Variants in SPOCK3 observed in about 807,000 individuals in gnomAD.
The protein encoded by SPOCK3 is SPARC (osteonectin), cwcv and kazal like domains proteoglycan 3, also known as testican-3.
A neutral mutation model predicts 56.6 loss-of-function variants in SPOCK3; 30 were observed. The ratio of observed to expected loss-of-function variants is 0.53; its 90% CI spans 0.40 to 0.72. The LOEUF (loss-of-function observed/expected upper bound fraction) is 0.72, where lower values mean the gene tolerates loss of function less well. Among genes scored for constraint, SPOCK3 ranks in the 30% least tolerant of loss-of-function variants. The pLI is 0.00. For missense variants in SPOCK3, 527 were observed against 530.0 expected (o/e 0.99, Z 0.06); for synonymous variants, 196 against 183.3 (o/e 1.07, Z -0.56).
intron 2 of SPOCK3, among the ~76,000 whole-genome samples, chr4:167,108,323 G>A (rs968732386): frequency 6.6e-6 from 1 of 151,846 alleles, no homozygotes; most frequent in African/African-American, 2.4e-5. Context: ...CAAAAGAAAG[G>A]AAATCAGTAT....
At chr4:167,232,321 C>G (rs1365454001) in intron 2 of SPOCK3, among the ~76,000 whole-genome samples, 1 of 150,416 alleles carries the variant, frequency 6.6e-6, no homozygotes, top group Non-Finnish European at 1.5e-5. Flanking sequence ...ATTCTCCCAG[C>G]GAGGAATCTT....
At chr4:167,119,741 G>A in intron 2 of SPOCK3, 2 of 1,244,380 alleles carry the variant, frequency 1.6e-6, no homozygotes, top group Non-Finnish European at 2.3e-6. Flanking sequence ...AACATAATGG[G>A]TACTCTGCTA....
chr4:167,116,673 A>ATACTATATAGTATC (rs1761405932), intron 2 of SPOCK3, among the ~76,000 whole-genome samples: 1 of 95,490 alleles, frequency 1.0e-5, no homozygotes, highest in Non-Finnish European at 2.3e-5. Flanking sequence ...TATATAGTAT[A>ATACTATATAGTATC]TATGTATATA....
chr4:167,062,371 C>T, intron 3 of SPOCK3, 121 bp downstream of exon 3: 1 of 601,712 alleles, frequency 1.7e-6, no homozygotes, highest in South Asian at 4.0e-5. Context: ...CAAATTTTTC[C>T]ATTCATGTAA....
chr4:166,880,433 G>A (rs1733568277), intron 6 of SPOCK3, among the ~76,000 whole-genome samples: 1 of 152,066 alleles, frequency 6.6e-6, no homozygotes, highest in Non-Finnish European at 1.5e-5. Flanking sequence ...CTCACTTTCT[G>A]TCCCTCAGTG....
chr4:167,072,104 G>T (rs992423981), intron 2 of SPOCK3, among the ~76,000 whole-genome samples: 1 of 152,012 alleles, frequency 6.6e-6, no homozygotes, highest in African/African-American at 2.4e-5. Context: ...AGAGGTAAGT[G>T]ATTCTATCAC....
chr4:166,910,012 A>C (rs1333689403), intron 5 of SPOCK3, among the ~76,000 whole-genome samples: 1 of 152,136 alleles, frequency 6.6e-6, no homozygotes, highest in Non-Finnish European at 1.5e-5. Context: ...AAACACCAAC[A>C]TATTGAAGTC....
chr4:167,019,751 C>A (rs1386141818), intron 3 of SPOCK3, among the ~76,000 whole-genome samples: 1 of 152,018 alleles, frequency 6.6e-6, no homozygotes, highest in Non-Finnish European at 1.5e-5. Flanking sequence ...TTTTCTTCTC[C>A]TGAACATTTC....
At chr4:167,021,469 C>G (rs1033496953) in intron 3 of SPOCK3, among the ~76,000 whole-genome samples, 1 of 151,994 alleles carries the variant, frequency 6.6e-6, no homozygotes, top group Non-Finnish European at 1.5e-5. Context: ...GCTCTTATTT[C>G]TTCCCAGTCA....
In SPOCK3 at chr4:166,843,528, C is replaced by T. The variant is rs116018365; in HGVS notation, c.589+45602G>A. Among the ~76,000 whole-genome samples, 457 of 152,230 alleles carry T rather than the reference C, an allele frequency of 3.0e-3. 3 individuals are homozygous for T. Among genetic ancestry groups the T allele is most frequent in the African/African-American group, 0.011 (437 of 41,534 alleles). On this transcript the variant is annotated intron_variant, in intron 6 of 10. Transcript: ENST00000357545. ...ATACAGCAGCAAAAATTATCTTACT[C>T]GTCTTGAAAAAATAAGCCACCATGA...
intron 2 of SPOCK3, among the ~76,000 whole-genome samples, chr4:167,104,455 A>T (rs1426716886): frequency 6.6e-6 from 1 of 152,292 alleles, no homozygotes; most frequent in African/African-American, 2.4e-5. Context: ...TGAACAATGT[A>T]TCAGAGTCTC....
intron 2 of SPOCK3, among the ~76,000 whole-genome samples, chr4:167,180,857 G>A (rs1366882025): frequency 6.6e-6 from 1 of 152,104 alleles, no homozygotes; most frequent in Non-Finnish European, 1.5e-5. Flanking sequence ...CAAATTTTCA[G>A]CCCGATGAGG....
intron 5 of SPOCK3, among the ~76,000 whole-genome samples, chr4:166,906,490 A>AC (rs1212995774): frequency 1.3e-5 from 2 of 151,386 alleles, no homozygotes; most frequent in Non-Finnish European, 3.0e-5. Flanking sequence ...CATAAAAAAA[A>AC]AAAAAAAAAA....
rs1203831217 is a variant in SPOCK3 at position 167,155,388 on chromosome 4, G to A, written c.189+78597C>T. ...CCGCCTCGGCCTCCCAAAGAGCTGG[G>A]ATTACAGGCATAAACCACCACGCCC... On this transcript the variant is annotated intron_variant, in intron 2 of 10. Coordinates refer to ENST00000357545, the MANE Select transcript of SPOCK3 (RefSeq NM_001040159.2). Among the ~76,000 whole-genome samples the A allele has an allele frequency of 2.0e-5, 3 of 151,818 alleles. No homozygotes were observed. The East Asian group carries it at 5.8e-4, about 29-fold the overall frequency.
intron 2 of SPOCK3, among the ~76,000 whole-genome samples, chr4:167,198,891 G>C (rs1026884435): frequency 1.3e-5 from 2 of 152,038 alleles, no homozygotes; most frequent in African/African-American, 4.8e-5. Context: ...TATAATATAT[G>C]ATTCTTAAGT....
At chr4:166,741,551 T>A (rs966819773) in intron 9 of SPOCK3, among the ~76,000 whole-genome samples, 1 of 152,074 alleles carries the variant, frequency 6.6e-6, no homozygotes, top group Non-Finnish European at 1.5e-5. Flanking sequence ...AAAAGAAGGG[T>A]AGTAAAAAAC....
chr4:166,946,285 G>T (rs1028932282), intron 4 of SPOCK3, among the ~76,000 whole-genome samples: 3 of 152,014 alleles, frequency 2.0e-5, no homozygotes, highest in Non-Finnish European at 2.9e-5. Context: ...CCCTGCAATG[G>T]CTCCCCTTTC....
chr4:166,789,237 C>A lies in SPOCK3; in HGVS notation c.709+2933G>T, dbSNP rs1394736900. ...CTGAGGTCAGGAGTTCAAAACCAGC[C>A]TGACCAACATGGAGAAACCCCGTCT... On this transcript the variant is annotated intron_variant, in intron 7 of 10. Transcript: ENST00000357545. Among the ~76,000 whole-genome samples the A allele has an allele frequency of 2.0e-5, 3 of 151,930 alleles. No individual in the cohort carries two copies. The South Asian group carries it at 6.2e-4, about 31-fold the overall frequency.
At chr4:166,735,129 T>A in intron 10 of SPOCK3, 39 bp from the exon 11 acceptor site, 3 of 1,197,102 alleles carry the variant, frequency 2.5e-6, no homozygotes, top group Non-Finnish European at 3.6e-6. Flanking sequence ...TTTATTTGAC[T>A]GAATACTGTC....
Sources: gnomAD v4.1 joint callset for allele counts (sites outside exome capture counted in the v4.1 genomes callset) on GRCh38, gnomAD v4.1.1 for gene constraint, MANE v1.5 for transcripts, NCBI Gene and HGNC (gene_info 2026-07-23, HGNC 2026-07-21) for gene names.